The following PXDC1 variants were observed in gnomAD, a reference collection of about 807,000 sequenced individuals.
PXDC1 encodes the protein PX domain-containing protein 1.
In PXDC1, 13 loss-of-function variants were observed where a neutral mutation model predicts 24.4. The ratio of observed to expected loss-of-function variants is 0.53; its 90% CI spans 0.35 to 0.85. PXDC1 has a LOEUF of 0.85. PXDC1 is among the 40% of genes least tolerant of loss of function. The pLI is 0.01. For synonymous variants in PXDC1, 162 were observed against 124.9 expected, an observed-to-expected ratio of 1.30 and a Z score of -1.98; for missense variants, 344 against 309.3, an observed-to-expected ratio of 1.11 and a Z score of -0.84.
At chr6:3,749,423 G>A (rs1378962025) in intron 1 of PXDC1, among the ~76,000 whole-genome samples, 1 of 149,318 alleles carries the variant, frequency 6.7e-6, no homozygotes, top group Non-Finnish European at 1.5e-5. Flanking sequence ...AATCGCTCGC[G>A]TCTTCAACCT....
At chr6:3,750,576 G>A (rs1760682967) in intron 1 of PXDC1, among the ~76,000 whole-genome samples, 2 of 152,212 alleles carry the variant, frequency 1.3e-5, no homozygotes, top group Admixed American at 6.5e-5. Context: ...GTAGGAAAAG[G>A]GAAGCCACCG....
intron 4 of PXDC1, 32 bp from the exon 5 acceptor site, chr6:3,723,768 G>A: frequency 6.4e-7 from 1 of 1,568,028 alleles, no homozygotes; most frequent in Non-Finnish European, 8.8e-7. Context: ...GTGAGGGGTG[G>A]CTCATTGTTG....
intron 4 of PXDC1, among the ~76,000 whole-genome samples, 153 bp from the exon 5 acceptor site, chr6:3,723,889 G>A (rs911786700): frequency 6.6e-6 from 1 of 152,350 alleles, no homozygotes; most frequent in Non-Finnish European, 1.5e-5. Context: ...CTCCTGCTCT[G>A]AGACTGCCAG....
rs185466624 is a variant in PXDC1, at chr6:3,741,111, C to A, written c.257-2963G>T. 3.3e-3 allele frequency among the ~76,000 whole-genome samples: 500 copies of A among 152,388 alleles called. 3 individuals are homozygous for A. The highest frequency in any genetic ancestry group is 0.011 in the African/African-American group (476 of 41,600). Reference sequence around the variant, plus strand: ...ACCCCAGTCTCGGTCTTCTCGTCATCACCTCAGCCTGACCCCAGACACAAC... The same window carrying A: ...ACCCCAGTCTCGGTCTTCTCGTCATAACCTCAGCCTGACCCCAGACACAAC... On this transcript the variant is annotated intron_variant, in intron 1 of 4. Transcript: ENST00000380283.
chr6:3,743,453 G>A lies in PXDC1; in HGVS notation c.257-5305C>T, dbSNP rs1419497783. Reference sequence around the variant, plus strand: ...CTACACAGATGCAGAGGTGAAGGGGGGAACGCAGCCTCATCTTGTATGCTG... The same window carrying A: ...CTACACAGATGCAGAGGTGAAGGGGAGAACGCAGCCTCATCTTGTATGCTG... On this transcript the variant is annotated intron_variant, in intron 1 of 4. Transcript: ENST00000380283. Among the ~76,000 whole-genome samples the A allele has an allele frequency of 3.3e-5, 5 of 152,020 alleles. No homozygotes were observed. In the East Asian group the frequency reaches 9.6e-4, roughly 29 times the overall value.
chr6:3,736,875 G>A (rs1367923271), intron 3 of PXDC1, among the ~76,000 whole-genome samples: 2 of 152,212 alleles, frequency 1.3e-5, no homozygotes, highest in Non-Finnish European at 2.9e-5. Flanking sequence ...AAACCCCTGA[G>A]GACGCAGCAG....
Position 3,730,507 on chromosome 6 carries a change from C to A in PXDC1, c.467-2845G>T, listed in dbSNP as rs546037892. On this transcript the variant is annotated intron_variant, in intron 3 of 4. Transcript: ENST00000380283. ...AAAAGCTGTAGAAATTAGAACACGTCCACAGTTTAAAAAAAAAAAAAGAAG... is the reference window on the plus strand; with the variant it reads ...AAAAGCTGTAGAAATTAGAACACGTACACAGTTTAAAAAAAAAAAAAGAAG... 1.7e-3 allele frequency among the ~76,000 whole-genome samples: 257 copies of A among 151,790 alleles called. 2 individuals are homozygous for A. The highest frequency in any genetic ancestry group is 5.8e-3 in the African/African-American group (241 of 41,384).
At position 3,728,609 on chromosome 6, in the gene PXDC1, T is replaced by A. The variant is rs953719122; in HGVS notation, c.467-947A>T. Among the ~76,000 whole-genome samples, 4 of 152,164 alleles carry A rather than the reference T, an allele frequency of 2.6e-5. No homozygotes were observed. Among genetic ancestry groups the A allele is most frequent in the Non-Finnish European group, 5.9e-5 (4 of 68,024 alleles). On this transcript the variant is annotated intron_variant, in intron 3 of 4. Transcript: ENST00000380283. The surrounding 1 kb of genome is among the most constrained non-coding windows in gnomAD (Gnocchi z 4.0). ...TGGCTGGAGGGGCTGGAATGGAGGATGAGGAGCCAGGACAACGAGCTCCAT... is the reference window on the plus strand; with the variant it reads ...TGGCTGGAGGGGCTGGAATGGAGGAAGAGGAGCCAGGACAACGAGCTCCAT...
intron 1 of PXDC1, among the ~76,000 whole-genome samples, chr6:3,746,863 C>T (rs1473172824): frequency 6.6e-6 from 1 of 152,140 alleles, no homozygotes; most frequent in Non-Finnish European, 1.5e-5. Context: ...AATCACGCAT[C>T]TTCCTAGAGC....
In PXDC1 at chr6:3,723,240, G is replaced by C. The variant is rs1035014856; in HGVS notation, c.*379C>G. 1 of 201,964 alleles carries C rather than the reference G, an allele frequency of 5.0e-6. No individual in the cohort carries two copies. The highest frequency in any genetic ancestry group is 9.9e-6 in the Non-Finnish European group (1 of 100,800). The allele number at this position is 201,964 out of a possible 1,614,324, so 12.5% of individuals were successfully genotyped here. A position where few individuals can be genotyped will look rare whatever the true frequency, so the allele number is the denominator to read the frequency against. On this transcript the variant is annotated 3_prime_UTR_variant, in exon 5 of 5. Transcript: ENST00000380283. The stretch of plus-strand genomic sequence containing the variant: ...AATGGTGGGGAGTCAGGGTGGCTGG[G>C]GGGCACTAGGCCACTTCACCAAGAG...
intron 3 of PXDC1, among the ~76,000 whole-genome samples, chr6:3,729,734 C>T (rs1476632015): frequency 6.6e-6 from 1 of 152,146 alleles, no homozygotes; most frequent in Non-Finnish European, 1.5e-5. Flanking sequence ...TAACTCTGAC[C>T]CAAATCTGTC....
At chr6:3,733,652 A>G (rs1760252845) in intron 3 of PXDC1, among the ~76,000 whole-genome samples, 1 of 152,166 alleles carries the variant, frequency 6.6e-6, no homozygotes, top group African/African-American at 2.4e-5. Context: ...GCAAGAGGCC[A>G]TACCGCCTGC....
chr6:3,730,436 G>T (rs1419689035), intron 3 of PXDC1, among the ~76,000 whole-genome samples: 1 of 151,728 alleles, frequency 6.6e-6, no homozygotes, highest in African/African-American at 2.4e-5. Flanking sequence ...TTCTCTAACA[G>T]TTTACATTTT....
chr6:3,723,873 A>C (rs1561728863), intron 4 of PXDC1, 137 bp from the exon 5 acceptor site: 1 of 674,036 alleles, frequency 1.5e-6, no homozygotes, highest in African/African-American at 1.8e-5. Context: ...TGAACTGGTG[A>C]GCTGGCTCCT....
intron 3 of PXDC1, among the ~76,000 whole-genome samples, chr6:3,729,160 C>T (rs1760140732): frequency 6.6e-6 from 1 of 152,106 alleles, no homozygotes; most frequent in Non-Finnish European, 1.5e-5. Context: ...TTTTCTTACA[C>T]CTTACCACAA....
rs192539436 is a variant in PXDC1 at position 3,724,971 on chromosome 6, C to G, written c.579-1235G>C. ...TGGAGTGTGGTGTCAGCCCCCGCCT[C>G]GGCTTCCCTATGCTCACGGTCCTGG... On this transcript the variant is annotated intron_variant, in intron 4 of 4. Coordinates refer to ENST00000380283, the MANE Select transcript of PXDC1 (RefSeq NM_183373.4). This position sits in a 1 kb window ranked among gnomAD's most constrained non-coding sequence, Gnocchi z 4.5. Among the ~76,000 whole-genome samples, 1 of 152,150 alleles carries G rather than the reference C, an allele frequency of 6.6e-6. No individual in the cohort carries two copies. Among genetic ancestry groups the G allele is most frequent in the Admixed American group, 6.5e-5 (1 of 15,282 alleles).
intron 1 of PXDC1, among the ~76,000 whole-genome samples, chr6:3,749,200 C>T (rs932768077): frequency 4.6e-5 from 7 of 151,920 alleles, no homozygotes; most frequent in African/African-American, 1.7e-4. Context: ...TCTTCACCCC[C>T]TCCAGGGTGT....
chr6:3,740,804 T>A (rs1760434930), intron 1 of PXDC1, among the ~76,000 whole-genome samples: 1 of 152,252 alleles, frequency 6.6e-6, no homozygotes, highest in South Asian at 2.1e-4. Context: ...GACTGGCTCC[T>A]GCCTGTGGGT....
At chr6:3,732,289 T>C (rs1343699772) in intron 3 of PXDC1, among the ~76,000 whole-genome samples, 3 of 152,168 alleles carry the variant, frequency 2.0e-5, no homozygotes, top group African/African-American at 4.8e-5. Flanking sequence ...ACCTCCTCTC[T>C]CCCACTGTAT....
Sources: allele counts gnomAD v4.1 joint callset (sites outside exome capture counted in the v4.1 genomes callset), GRCh38; gene constraint gnomAD v4.1.1; non-coding constraint Gnocchi (gnomAD v3.1); transcripts MANE v1.5; gene names NCBI Gene and HGNC (gene_info 2026-07-23, HGNC 2026-07-21).